Variants in SNX9 observed in about 807,000 individuals in gnomAD.
SNX9 encodes the protein sorting nexin-9.
Under a neutral mutation model 89.4 loss-of-function variants are expected in SNX9, and 44 were observed. The ratio of observed to expected loss-of-function variants is 0.49; its 90% CI spans 0.39 to 0.63. The LOEUF is 0.63. Among genes scored for constraint, SNX9 ranks in the 30% least tolerant of loss-of-function variants. The probability of loss-of-function intolerance (pLI) is 0.00; values close to 1 mark genes in which losing one functional copy is unlikely to be tolerated. For missense variants in SNX9, 578 were observed against 736.1 expected, an observed-to-expected ratio of 0.79 and a Z score of 2.49; for synonymous variants, 236 against 247.8, an observed-to-expected ratio of 0.95 and a Z score of 0.45.
At chr6:157,869,750 C>A (rs541318750) in intron 2 of SNX9, among the ~76,000 whole-genome samples, 11 of 152,252 alleles carry the variant, frequency 7.2e-5, no homozygotes, top group Non-Finnish European at 1.6e-4. Context: ...CCACCATGGG[C>A]CCCATCAGAC....
At chr6:157,864,308 C>T (rs1489153290) in intron 1 of SNX9, among the ~76,000 whole-genome samples, 1 of 152,142 alleles carries the variant, frequency 6.6e-6, no homozygotes, top group Admixed American at 6.5e-5. Flanking sequence ...CCTAAACGCC[C>T]CCCATTTGCC....
chr6:157,889,873 A>G (rs781446857), intron 4 of SNX9, among the ~76,000 whole-genome samples: 1 of 152,232 alleles, frequency 6.6e-6, no homozygotes, highest in Non-Finnish European at 1.5e-5. Flanking sequence ...ACATATTAAG[A>G]TAACCTCTAC....
At chr6:157,927,954 T>C (rs980560693) in intron 11 of SNX9, among the ~76,000 whole-genome samples, 12 of 146,938 alleles carry the variant, frequency 8.2e-5, no homozygotes, top group Admixed American at 2.0e-4. Context: ...CACACACACA[T>C]AACCCTTCAA....
At chr6:157,837,510 G>T (rs1460153151) in intron 1 of SNX9, among the ~76,000 whole-genome samples, 1 of 152,120 alleles carries the variant, frequency 6.6e-6, no homozygotes, top group East Asian at 1.9e-4. Flanking sequence ...AGTTTTTAAT[G>T]TTATTTGTGT....
intron 7 of SNX9, among the ~76,000 whole-genome samples, chr6:157,906,513 C>T (rs1307012724): frequency 6.6e-6 from 1 of 152,118 alleles, no homozygotes; most frequent in South Asian, 2.1e-4. Flanking sequence ...TCTGCCAGCC[C>T]TATATGTTTA....
intron 9 of SNX9, among the ~76,000 whole-genome samples, chr6:157,920,955 G>A (rs570797046): frequency 2.5e-4 from 38 of 152,274 alleles, no homozygotes; most frequent in Admixed American, 3.9e-4. Flanking sequence ...TTCAGTTTAA[G>A]TAATTTAAAA....
intron 1 of SNX9, among the ~76,000 whole-genome samples, chr6:157,865,110 G>A (rs577571680): frequency 1.3e-4 from 20 of 152,188 alleles, no homozygotes; most frequent in African/African-American, 4.3e-4. Context: ...AAGCCAAGGC[G>A]GGTGGATCAC....
chr6:157,849,791 G>A (rs1485435329), intron 1 of SNX9, among the ~76,000 whole-genome samples: 1 of 152,098 alleles, frequency 6.6e-6, no homozygotes, highest in African/African-American at 2.4e-5. Context: ...GAGAAGGCAG[G>A]GTCTGTGCTG....
chr6:157,848,154 TCTTGTTC>T (rs1219047697), intron 1 of SNX9, among the ~76,000 whole-genome samples: 45 of 152,214 alleles, frequency 3.0e-4, no homozygotes, highest in African/African-American at 9.6e-4. Flanking sequence ...AAGGAGAACA[TCTTGTTC>T]CTGGCTTTTC....
intron 1 of SNX9, among the ~76,000 whole-genome samples, chr6:157,859,001 A>G (rs371191791): frequency 1.4e-4 from 22 of 152,086 alleles, no homozygotes; most frequent in East Asian, 7.7e-4. Flanking sequence ...CATTTTTTCC[A>G]ATTTTCTGTG....
chr6:157,851,694 A>C (rs971981592), intron 1 of SNX9, among the ~76,000 whole-genome samples: 1 of 151,936 alleles, frequency 6.6e-6, no homozygotes, highest in African/African-American at 2.4e-5. Context: ...GGTTCAAGCG[A>C]TTTTCCTGCC....
At chr6:157,855,135 G>GGGCC (rs1583201090) in intron 1 of SNX9, among the ~76,000 whole-genome samples, 1 of 152,020 alleles carries the variant, frequency 6.6e-6, no homozygotes, top group East Asian at 1.9e-4. Flanking sequence ...CTGCATCGCT[G>GGGCC]GGCCCTCTTT....
chr6:157,833,750 TGA>T (rs1368379082), intron 1 of SNX9, among the ~76,000 whole-genome samples: 1 of 152,232 alleles, frequency 6.6e-6, no homozygotes, highest in Non-Finnish European at 1.5e-5. Context: ...TCCTAAACCA[TGA>T]CTCAGATTTT....
intron 1 of SNX9, among the ~76,000 whole-genome samples, chr6:157,845,467 C>T (rs1378328823): frequency 2.0e-5 from 3 of 152,144 alleles, no homozygotes; most frequent in African/African-American, 7.2e-5. Flanking sequence ...ACTTTTTAGC[C>T]ATCTACTTAC....
intron 2 of SNX9, among the ~76,000 whole-genome samples, chr6:157,867,929 T>C (rs1782302041): frequency 6.6e-6 from 1 of 152,228 alleles, no homozygotes; most frequent in Non-Finnish European, 1.5e-5. Context: ...GATATGTTTA[T>C]CTTACAATTT....
At chr6:157,868,627 G>A (rs1782321044) in intron 2 of SNX9, among the ~76,000 whole-genome samples, 1 of 152,108 alleles carries the variant, frequency 6.6e-6, no homozygotes, top group Non-Finnish European at 1.5e-5. Context: ...TGTGATACTT[G>A]TCTCATTACA....
chr6:157,850,092 A>G (rs1781880020), intron 1 of SNX9, among the ~76,000 whole-genome samples: 1 of 152,156 alleles, frequency 6.6e-6, no homozygotes, highest in African/African-American at 2.4e-5. Flanking sequence ...AAACCAGAGG[A>G]GGGCAGGTGT....
intron 1 of SNX9, among the ~76,000 whole-genome samples, chr6:157,836,400 A>G (rs139550825): frequency 1.3e-5 from 2 of 152,262 alleles, no homozygotes; most frequent in African/African-American, 4.8e-5. Flanking sequence ...TGGCAATGGT[A>G]ATAAGCTTCC....
At position 157,928,587 on chromosome 6, in the gene SNX9, CT is replaced by C; in HGVS notation, c.1185-10del. 1 of 1,596,962 alleles carries C rather than the reference CT, an allele frequency of 6.3e-7. No homozygotes were observed. The highest frequency in any genetic ancestry group is 1.3e-5 in the African/African-American group (1 of 74,530). Reference sequence around the variant, plus strand: ...TCCTGCTTATGTGACTGACGGCCGCCTTCACCCACAGAGAGCAGAAGTGCGA... The same window carrying C: ...TCCTGCTTATGTGACTGACGGCCGCCTCACCCACAGAGAGCAGAAGTGCGA... On this transcript the variant is annotated splice_polypyrimidine_tract_variant and intron_variant, in intron 11 of 17. Coordinates refer to ENST00000392185, the MANE Select transcript of SNX9 (RefSeq NM_016224.5).
Sources: gnomAD v4.1 joint callset for allele counts (sites outside exome capture counted in the v4.1 genomes callset) on GRCh38, gnomAD v4.1.1 for gene constraint, MANE v1.5 for transcripts, NCBI Gene and HGNC (gene_info 2026-07-23, HGNC 2026-07-21) for gene names.